ATXN7L1: variants seen among roughly 807,000 people sequenced by gnomAD.
ATXN7L1 encodes ataxin-7-like protein 1.
Under a neutral mutation model 70.8 loss-of-function variants are expected in ATXN7L1, and 15 were observed. The ratio of observed to expected loss-of-function variants is 0.21; its 90% CI spans 0.14 to 0.33. The LOEUF is 0.33. ATXN7L1 is among the 10% of genes least tolerant of loss of function. The pLI is 1.00. For synonymous variants in ATXN7L1, 440 were observed against 445.1 expected (o/e 0.99, Z 0.14); for missense variants, 975 against 1,097.1 (o/e 0.89, Z 1.57).
intron 8 of ATXN7L1, 81 bp downstream of exon 8, chr7:105,623,994 G>T: frequency 1.6e-6 from 2 of 1,241,794 alleles, no homozygotes; most frequent in Non-Finnish European, 1.0e-6. Flanking sequence ...CCTTAGGAAG[G>T]ATCATGCCTC....
At chr7:105,870,042 G>A (rs1439369503) in intron 2 of ATXN7L1, among the ~76,000 whole-genome samples, 1 of 152,168 alleles carries the variant, frequency 6.6e-6, no homozygotes, top group Non-Finnish European at 1.5e-5. Context: ...AGCACTTTGG[G>A]AGGCCGAGGC....
At chr7:105,875,626 T>TGCC (rs146310508) in intron 2 of ATXN7L1, among the ~76,000 whole-genome samples, 186 bp downstream of exon 2, 1 of 59,558 alleles carries the variant, frequency 1.7e-5, no homozygotes, top group Non-Finnish European at 3.1e-5. Flanking sequence ...CACCCCCCTT[T>TGCC]ACCCCCCCCC....
chr7:105,634,026 G>T (rs1441056007), intron 7 of ATXN7L1, among the ~76,000 whole-genome samples: 2 of 152,194 alleles, frequency 1.3e-5, no homozygotes, highest in African/African-American at 4.8e-5. Context: ...TGATATAGTG[G>T]TGGATGCTTT....
intron 7 of ATXN7L1, among the ~76,000 whole-genome samples, chr7:105,629,090 C>T (rs961150491): frequency 6.6e-6 from 1 of 152,104 alleles, no homozygotes; most frequent in African/African-American, 2.4e-5. Context: ...AGCTCAGCCT[C>T]CCTAGTAGCT....
intron 3 of ATXN7L1, among the ~76,000 whole-genome samples, chr7:105,690,911 G>A (rs545476500): frequency 6.6e-6 from 1 of 152,228 alleles, no homozygotes; most frequent in Admixed American, 6.5e-5. Context: ...ACATGCACAC[G>A]GGCCCCCAAA....
intron 2 of ATXN7L1, among the ~76,000 whole-genome samples, chr7:105,845,095 C>T (rs546267635): frequency 6.7e-6 from 1 of 149,430 alleles, no homozygotes; most frequent in African/African-American, 2.5e-5. Flanking sequence ...ATCCCAGCTA[C>T]TCAGGAGGCT....
intron 3 of ATXN7L1, among the ~76,000 whole-genome samples, chr7:105,769,932 C>T (rs1320896216): frequency 2.0e-5 from 3 of 152,194 alleles, no homozygotes; most frequent in Non-Finnish European, 4.4e-5. Context: ...GGCGTTCTGC[C>T]ACCAGCTGAA....
chr7:105,643,880 G>A (rs1338068677), intron 4 of ATXN7L1, among the ~76,000 whole-genome samples: 2 of 152,240 alleles, frequency 1.3e-5, no homozygotes, highest in Non-Finnish European at 2.9e-5. Context: ...TATTTCTCCT[G>A]TATGGGATGT....
chr7:105,774,099 G>A (rs1292081656), intron 3 of ATXN7L1, among the ~76,000 whole-genome samples: 1 of 152,124 alleles, frequency 6.6e-6, no homozygotes, highest in Non-Finnish European at 1.5e-5. Flanking sequence ...TAAGGCAAAG[G>A]TTGGCCATAA....
chr7:105,869,719 T>C (rs1049607591), intron 2 of ATXN7L1, among the ~76,000 whole-genome samples: 2 of 152,158 alleles, frequency 1.3e-5, no homozygotes, highest in African/African-American at 2.4e-5. Context: ...CATCAAAACA[T>C]GTGGGAACGT....
chr7:105,638,516 C>G lies in ATXN7L1; in HGVS notation c.1039G>C (p.Glu347Gln). Reference sequence around the variant, plus strand: ...AGGAGATGCTCTTTATCTTTAACTTCTTTTTCCCGGGACTTTGCTTTGTGT... The same window carrying G: ...AGGAGATGCTCTTTATCTTTAACTTGTTTTTCCCGGGACTTTGCTTTGTGT... ...AEHKAKSREK[E>Q]VKDKEHLLTS... is the part of the protein sequence containing the mutation. Residue 347 changes from glutamate to glutamine, a missense_variant, in exon 7 of 12, where the codon GAA becomes CAA. Coordinates refer to ENST00000419735, the MANE Select transcript of ATXN7L1 (RefSeq NM_020725.2). 4 of 1,552,266 alleles carry G rather than the reference C, an allele frequency of 2.6e-6. No individual in the cohort carries two copies. Among genetic ancestry groups the G allele is most frequent in the Non-Finnish European group, 3.5e-6 (4 of 1,147,108 alleles).
chr7:105,692,440 CCCTCCCTT>C (rs1184443056), intron 3 of ATXN7L1, among the ~76,000 whole-genome samples: 7 of 98,180 alleles, frequency 7.1e-5, no homozygotes, highest in Non-Finnish European at 1.0e-4. Flanking sequence ...CTCCCTCCCT[CCCTCCCTT>C]CCTTCCTTCT....
chr7:105,854,611 C>T (rs1815441676), intron 2 of ATXN7L1, among the ~76,000 whole-genome samples: 1 of 151,514 alleles, frequency 6.6e-6, no homozygotes, highest in African/African-American at 2.4e-5. Flanking sequence ...TTTCTATGGA[C>T]AATTAGACCA....
intron 2 of ATXN7L1, among the ~76,000 whole-genome samples, chr7:105,825,526 A>G (rs1266926207): frequency 6.6e-6 from 1 of 151,698 alleles, no homozygotes; most frequent in Non-Finnish European, 1.5e-5. Flanking sequence ...CCATGAGGCA[A>G]TAATTTTAGG....
intron 3 of ATXN7L1, among the ~76,000 whole-genome samples, chr7:105,738,866 G>A (rs553713491): frequency 2.0e-5 from 3 of 152,330 alleles, no homozygotes; most frequent in South Asian, 4.1e-4. Flanking sequence ...GATGCAGAGC[G>A]CTAAGCCAGA....
chr7:105,636,117 G>A (rs1394893294), intron 7 of ATXN7L1, among the ~76,000 whole-genome samples: 1 of 152,114 alleles, frequency 6.6e-6, no homozygotes, highest in African/African-American at 2.4e-5. Context: ...TCTGTGGGCC[G>A]GGTATGGTGG....
chr7:105,685,744 C>A (rs982476021), intron 3 of ATXN7L1, among the ~76,000 whole-genome samples: 3 of 152,178 alleles, frequency 2.0e-5, no homozygotes, highest in African/African-American at 7.2e-5. Flanking sequence ...CCCAGTCAAT[C>A]CCTGAGCTTC....
intron 2 of ATXN7L1, among the ~76,000 whole-genome samples, chr7:105,823,629 T>C (rs191193416): frequency 4.3e-4 from 66 of 152,342 alleles, no homozygotes; most frequent in Non-Finnish European, 7.5e-4. Context: ...GGTGGATTAA[T>C]GGTTACTCCT....
intron 2 of ATXN7L1, among the ~76,000 whole-genome samples, chr7:105,812,632 G>A (rs1053621636): frequency 4.6e-5 from 7 of 152,102 alleles, no homozygotes; most frequent in African/African-American, 1.4e-4. Context: ...GCTCAGTTAC[G>A]GCCCACTCAC....
Sources: gnomAD v4.1 joint callset for allele counts (sites outside exome capture counted in the v4.1 genomes callset) on GRCh38, gnomAD v4.1.1 for gene constraint, MANE v1.5 for transcripts, NCBI Gene and HGNC (gene_info 2026-07-23, HGNC 2026-07-21) for gene names.